SYT2: variants seen among roughly 807,000 people sequenced by gnomAD.
SYT2 encodes the protein synaptotagmin-2.
SYT2 carries 15 observed loss-of-function variants against 39.9 expected under a neutral mutation model. The ratio of observed to expected loss-of-function variants is 0.38; its 90% CI spans 0.25 to 0.58. The LOEUF (loss-of-function observed/expected upper bound fraction) is 0.58. SYT2 is among the 20% of genes least tolerant of loss of function. The pLI is 0.70. For synonymous variants in SYT2, 181 were observed against 204.5 expected, an observed-to-expected ratio of 0.89 and a Z score of 0.98; for missense variants, 389 against 530.3, an observed-to-expected ratio of 0.73 and a Z score of 2.62.
chr1:202,639,528 T>C (rs187499001), intron 1 of SYT2: 1 of 985,426 alleles, frequency 1.0e-6, no homozygotes, highest in Admixed American at 6.1e-5. Context: ...GTGCCACTCA[T>C]CTAACACATC....
chr1:202,646,631 C>T (rs536832467), intron 1 of SYT2, among the ~76,000 whole-genome samples: 3 of 152,254 alleles, frequency 2.0e-5, no homozygotes, highest in East Asian at 1.9e-4. Context: ...TTCTCACCTG[C>T]GACATGGGGA....
intron 1 of SYT2, chr1:202,636,474 G>C: frequency 2.3e-6 from 2 of 867,514 alleles, no homozygotes; most frequent in Non-Finnish European, 2.8e-6. Flanking sequence ...CATCTTGGGA[G>C]AAGTGAGAAA....
At chr1:202,612,950 A>C (rs1407549147) in intron 1 of SYT2, among the ~76,000 whole-genome samples, 1 of 152,034 alleles carries the variant, frequency 6.6e-6, no homozygotes, top group Non-Finnish European at 1.5e-5. Flanking sequence ...TGTCATTATA[A>C]ATGGAATTGT....
intron 1 of SYT2, among the ~76,000 whole-genome samples, chr1:202,691,774 A>C (rs1191105463): frequency 7.2e-6 from 1 of 138,212 alleles, no homozygotes; most frequent in African/African-American, 2.8e-5. Context: ...AGAGAGAGAG[A>C]GAGAGAGAGA....
chr1:202,597,003 G>A (rs761434418), intron 8 of SYT2, 40 bp from the exon 9 acceptor site: 18 of 1,582,188 alleles, frequency 1.1e-5, no homozygotes, highest in African/African-American at 9.4e-5. Flanking sequence ...AGACAGAGAC[G>A]TGGGATCCCA....
At chr1:202,670,687 C>A (rs572197807) in intron 1 of SYT2, among the ~76,000 whole-genome samples, 107 of 152,266 alleles carry the variant, frequency 7.0e-4, no homozygotes, top group Admixed American at 1.5e-3. Flanking sequence ...CATGGGTGGG[C>A]GAGATGGGTG....
rs1453432618 is a variant in SYT2 at position 202,596,950 on chromosome 1, A to G, written c.1067T>C (p.Val356Ala). 9.3e-6 allele frequency: 15 copies of G among 1,613,220 alleles called. No homozygotes were observed. Among genetic ancestry groups the G allele is most frequent in the Non-Finnish European group, 1.3e-5 (15 of 1,179,376 alleles). ...PFEQIQKVQV[V>A]VTVLDYDKLG... ...CTTGTCATAGTCCAGCACGGTGACC[A>G]CTACCTGGACTTTCTGCAAGGAAAA... Residue 356 changes from valine to alanine, a missense_variant, in exon 9 of 9, where the codon GTG becomes GCG. Val to Ala is a moderately conservative substitution (Grantham distance 64). Coordinates refer to ENST00000367268, the MANE Select transcript of SYT2 (RefSeq NM_177402.5).
At chr1:202,631,949 A>ATTCGCCAGGCCCTGCTGG in intron 1 of SYT2, 1 of 854,816 alleles carries the variant, frequency 1.2e-6, no homozygotes, top group Non-Finnish European at 1.4e-6. Flanking sequence ...GATTGGCCTC[A>ATTCGCCAGGCCCTGCTGG]TTCGCCAGGC....
rs542385030 is a variant in SYT2, at chr1:202,636,466, T to A, written c.-17-30677A>T. Reference sequence around the variant, plus strand: ...GTCTGCCTCATTTGATCCCAGGACATCTTGGGAGAAGTGAGAAAGACAGGC... The same window carrying A: ...GTCTGCCTCATTTGATCCCAGGACAACTTGGGAGAAGTGAGAAAGACAGGC... On this transcript the variant is annotated intron_variant, in intron 1 of 8. Coordinates refer to ENST00000367268, the MANE Select transcript of SYT2 (RefSeq NM_177402.5). 3.3e-6 allele frequency: 3 copies of A among 911,218 alleles called. No homozygotes were observed. In the African/African-American group the frequency reaches 5.4e-5, roughly 16 times the overall value. 56.4% of individuals were successfully genotyped at this position (911,218 alleles called of 1,614,324 possible).
chr1:202,616,444 TGCC>T (rs1220754492), intron 1 of SYT2, among the ~76,000 whole-genome samples: 1 of 152,134 alleles, frequency 6.6e-6, no homozygotes, highest in Non-Finnish European at 1.5e-5. Context: ...CCCCACCTGC[TGCC>T]TTGTTCTCCC....
chr1:202,653,798 C>T (rs1384475919), intron 1 of SYT2, among the ~76,000 whole-genome samples: 2 of 152,228 alleles, frequency 1.3e-5, no homozygotes, highest in Admixed American at 1.3e-4. Context: ...GATTTCTGCA[C>T]CTCTTCTTTT....
intron 1 of SYT2, among the ~76,000 whole-genome samples, chr1:202,704,998 TTTAAA>T (rs1489865050): frequency 2.6e-5 from 4 of 152,244 alleles, no homozygotes; most frequent in East Asian, 1.9e-4. Context: ...TGCTGCCTGA[TTTAAA>T]TCACCCAGCC....
rs1488845406 is a variant in SYT2, at chr1:202,599,702, C to T, written c.920-351G>A. Among the ~76,000 whole-genome samples, 3 of 152,124 alleles carry T rather than the reference C, an allele frequency of 2.0e-5. No individual in the cohort carries two copies. Among genetic ancestry groups the T allele is most frequent in the African/African-American group, 7.2e-5 (3 of 41,428 alleles). ...GACACACATCTGCTGGGTCATAATC[C>T]CAATCCGATCCCCCTAATCTTGCAG... On this transcript the variant is annotated intron_variant, in intron 7 of 8. Coordinates refer to ENST00000367268, the MANE Select transcript of SYT2 (RefSeq NM_177402.5). The surrounding 1 kb of genome is among the most constrained non-coding windows in gnomAD (Gnocchi z 4.4).
At chr1:202,689,667 T>C (rs1390607115) in intron 1 of SYT2, among the ~76,000 whole-genome samples, 1 of 151,962 alleles carries the variant, frequency 6.6e-6, no homozygotes, top group Non-Finnish European at 1.5e-5. Flanking sequence ...GGGAACACTG[T>C]GGGGGAGCAG....
chr1:202,639,771 A>G (rs1691848431), intron 1 of SYT2: 1 of 985,472 alleles, frequency 1.0e-6, no homozygotes, highest in Non-Finnish European at 1.2e-6. Context: ...AGACTAGAGC[A>G]TGCAAACTCC....
At chr1:202,620,162 C>T (rs1010948604) in intron 1 of SYT2, among the ~76,000 whole-genome samples, 3 of 152,358 alleles carry the variant, frequency 2.0e-5, no homozygotes, top group South Asian at 2.1e-4. Context: ...GAATTCCCTT[C>T]TCTCCCTGGT....
chr1:202,646,083 G>A (rs1053563943), intron 1 of SYT2, among the ~76,000 whole-genome samples: 2 of 152,214 alleles, frequency 1.3e-5, no homozygotes, highest in East Asian at 1.9e-4. Flanking sequence ...GGTCTTGTGA[G>A]TCTACATGGG....
At position 202,601,770 on chromosome 1, in the gene SYT2, C is replaced by T. The variant is rs1439810002; in HGVS notation, c.801+120G>A. On this transcript the variant is annotated intron_variant, in intron 6 of 8. Transcript: ENST00000367268. The surrounding 1 kb of genome is among the most constrained non-coding windows in gnomAD (Gnocchi z 4.0). Reference sequence around the variant, plus strand: ...GGTCACACAGCCAGGCAGTGTGGAGCTGGGATCCTAACACAGGTCGTCTGC... The same window carrying T: ...GGTCACACAGCCAGGCAGTGTGGAGTTGGGATCCTAACACAGGTCGTCTGC... 1 of 1,064,648 alleles carries T rather than the reference C, an allele frequency of 9.4e-7. No individual in the cohort carries two copies. Among genetic ancestry groups the T allele is most frequent in the Non-Finnish European group, 1.4e-6 (1 of 722,866 alleles). 66.0% of individuals were successfully genotyped at this position (1,064,648 alleles called of 1,614,324 possible). A position where few individuals can be genotyped will look rare whatever the true frequency, so the allele number is the denominator to read the frequency against.
At chr1:202,606,215 A>G (rs1285090400) in intron 1 of SYT2, among the ~76,000 whole-genome samples, 1 of 152,194 alleles carries the variant, frequency 6.6e-6, no homozygotes, top group Admixed American at 6.5e-5. Flanking sequence ...CATTTAACAG[A>G]TGGGGAAACA....
Sources: gnomAD v4.1 joint callset for allele counts (sites outside exome capture counted in the v4.1 genomes callset) on GRCh38, gnomAD v4.1.1 for gene constraint, Gnocchi (gnomAD v3.1) non-coding constraint, MANE v1.5 for transcripts, NCBI Gene and HGNC (gene_info 2026-07-23, HGNC 2026-07-21) for gene names.